Variants in PPP2R2C observed in about 807,000 individuals in gnomAD.
PPP2R2C encodes protein phosphatase 2, regulatory subunit B, gamma.
PPP2R2C carries 10 observed loss-of-function variants against 45.3 expected under a neutral mutation model. The observed-to-expected ratio is 0.22, with a 90% CI of 0.14 to 0.37. The LOEUF is 0.37. Ranked by LOEUF, PPP2R2C falls within the 10% of genes least tolerant of loss-of-function variation. The pLI, the probability that PPP2R2C is intolerant of heterozygous loss-of-function variation, is 1.00. For synonymous variants in PPP2R2C, 257 were observed against 245.4 expected (o/e 1.05, Z -0.44); for missense variants, 308 against 619.7 (o/e 0.50, Z 5.34).
chr4:6,416,912 G>A (rs1361659700), intron 1 of PPP2R2C, among the ~76,000 whole-genome samples: 1 of 152,296 alleles, frequency 6.6e-6, no homozygotes, highest in East Asian at 1.9e-4. Flanking sequence ...TGGAGTATTG[G>A]GGAGGGAGAT....
chr4:6,358,178 A>T (rs533508070), intron 5 of PPP2R2C, among the ~76,000 whole-genome samples: 1 of 152,124 alleles, frequency 6.6e-6, no homozygotes, highest in East Asian at 1.9e-4. Flanking sequence ...CAGAAATAAC[A>T]CCACATATCT....
intron 6 of PPP2R2C, among the ~76,000 whole-genome samples, chr4:6,337,455 C>G (rs1016910879): frequency 6.6e-6 from 1 of 152,004 alleles, no homozygotes; most frequent in Admixed American, 6.6e-5. Context: ...CTGGCCTGAA[C>G]TAGGCTTTCT....
intron 1 of PPP2R2C, among the ~76,000 whole-genome samples, chr4:6,446,735 C>A (rs115028473): frequency 0.013 from 1,988 of 152,178 alleles, 45 homozygotes; most frequent in African/African-American, 0.045. Context: ...CGCCAACGGC[C>A]CACTGTCTCC....
At chr4:6,394,000 C>G (rs1302290464) in intron 1 of PPP2R2C, among the ~76,000 whole-genome samples, 3 of 152,200 alleles carry the variant, frequency 2.0e-5, no homozygotes, top group Admixed American at 2.0e-4. Context: ...GTGAGGGAGA[C>G]CGAGAGAAGA....
chr4:6,518,922 T>TAAAAAAAAAAAAAAAAAAAAAAAAAA (rs56002128), intron 2 of PPP2R2C, among the ~76,000 whole-genome samples: 9 of 92,916 alleles, frequency 9.7e-5, no homozygotes, highest in African/African-American at 3.7e-4. Context: ...GACTCTGTCT[T>TAAAAAAAAAAAAAAAAAAAAAAAAAA]AAAAAAAAAA....
chr4:6,355,836 CAA>C (rs71173436), intron 5 of PPP2R2C, among the ~76,000 whole-genome samples: 1 of 150,490 alleles, frequency 6.6e-6, no homozygotes, highest in Non-Finnish European at 1.5e-5. Flanking sequence ...ACTAAAAATA[CAA>C]AAAAAATTAG....
At chr4:6,549,522 C>G (rs939780209) in intron 1 of PPP2R2C, among the ~76,000 whole-genome samples, 12 of 152,202 alleles carry the variant, frequency 7.9e-5, no homozygotes, top group Non-Finnish European at 1.3e-4. Context: ...TGCCCCTCAC[C>G]TGTGCCTTCC....
chr4:6,450,044 C>T (rs377663083), intron 1 of PPP2R2C, among the ~76,000 whole-genome samples: 4 of 152,194 alleles, frequency 2.6e-5, no homozygotes, highest in South Asian at 2.1e-4. Flanking sequence ...GATAGCTTTG[C>T]GGGTTGCAGT....
chr4:6,554,353 G>A (rs1725289038), intron 1 of PPP2R2C, among the ~76,000 whole-genome samples: 1 of 152,156 alleles, frequency 6.6e-6, no homozygotes, highest in Non-Finnish European at 1.5e-5. Flanking sequence ...AATAAGCTGG[G>A]AGAGGGGTAC....
intron 1 of PPP2R2C, among the ~76,000 whole-genome samples, chr4:6,469,508 A>C (rs1721752817): frequency 6.6e-6 from 1 of 152,196 alleles, no homozygotes; most frequent in Non-Finnish European, 1.5e-5. Flanking sequence ...CATATAAATA[A>C]TAACAATGCC....
In PPP2R2C at chr4:6,472,494, C is replaced by A. The variant is rs866272953; in HGVS notation, c.-265G>T. The stretch of plus-strand genomic sequence containing the variant: ...AGGCGCGCATCCCGGCCGGCCCGTG[C>A]GCGCTGCGTCCGTGCGCCCGGCGGC... On this transcript the variant is annotated 5_prime_UTR_variant, in exon 1 of 9. Transcript: ENST00000382599. 1,862 of 186,718 alleles carry A rather than the reference C, an allele frequency of 1.0e-2. 31 individuals are homozygous for A. The highest frequency in any genetic ancestry group is 0.064 in the East Asian group (333 of 5,178). The allele number at this position is 186,718 out of a possible 1,614,324, so 11.6% of individuals were successfully genotyped here.
At chr4:6,432,760 A>C (rs1231281460) in intron 1 of PPP2R2C, among the ~76,000 whole-genome samples, 1 of 152,224 alleles carries the variant, frequency 6.6e-6, no homozygotes, top group African/African-American at 2.4e-5. Context: ...CAAATAAGTT[A>C]GGAAAAAATC....
chr4:6,343,306 G>A (rs1733592657), intron 6 of PPP2R2C, among the ~76,000 whole-genome samples: 1 of 152,182 alleles, frequency 6.6e-6, no homozygotes, highest in Non-Finnish European at 1.5e-5. Context: ...GCTAAAAACT[G>A]CTGCGCAATC....
At position 6,331,592 on chromosome 4, in the gene PPP2R2C, A is replaced by C. The variant is rs1358158095; in HGVS notation, c.960+1970T>G. Among the ~76,000 whole-genome samples the C allele has an allele frequency of 6.6e-6, 1 of 152,226 alleles. No homozygotes were observed. The highest frequency in any genetic ancestry group is 1.5e-5 in the Non-Finnish European group (1 of 68,042). ...ATTCTGGGGAAGATTTTACAATCAC[A>C]GTGAAACACGCAACAGACCCCAGGG... On this transcript the variant is annotated intron_variant, in intron 7 of 8. Transcript: ENST00000382599. The surrounding 1 kb of genome is among the most constrained non-coding windows in gnomAD (Gnocchi z 5.9).
chr4:6,333,177 C>T (rs370659836), intron 7 of PPP2R2C, among the ~76,000 whole-genome samples: 87 of 152,276 alleles, frequency 5.7e-4, no homozygotes, highest in African/African-American at 1.7e-3. Flanking sequence ...GGGAGGGCAA[C>T]GCTTAACCCT....
chr4:6,522,976 C>T (rs568448465), intron 2 of PPP2R2C, among the ~76,000 whole-genome samples: 2 of 152,356 alleles, frequency 1.3e-5, no homozygotes, highest in South Asian at 4.1e-4. Flanking sequence ...CGCAGATGCA[C>T]AGCAGCCTGG....
At chr4:6,407,929 C>T (rs1435913769) in intron 1 of PPP2R2C, among the ~76,000 whole-genome samples, 1 of 152,188 alleles carries the variant, frequency 6.6e-6, no homozygotes, top group East Asian at 1.9e-4. Flanking sequence ...AAGCATAAAA[C>T]ACACACCGAA....
At chr4:6,534,690 C>T (rs1476681362) in intron 2 of PPP2R2C, among the ~76,000 whole-genome samples, 1 of 152,292 alleles carries the variant, frequency 6.6e-6, no homozygotes, top group South Asian at 2.1e-4. Flanking sequence ...CCAACACGCA[C>T]GGCCCGCACA....
chr4:6,365,798 T>G (rs907107060), intron 5 of PPP2R2C, among the ~76,000 whole-genome samples: 4 of 152,172 alleles, frequency 2.6e-5, no homozygotes, highest in African/African-American at 9.7e-5. Flanking sequence ...CGAGGCTTGG[T>G]GTGATGCCAG....
Sources: allele counts gnomAD v4.1 joint callset (sites outside exome capture counted in the v4.1 genomes callset), GRCh38; gene constraint gnomAD v4.1.1; non-coding constraint Gnocchi (gnomAD v3.1); transcripts MANE v1.5; gene names NCBI Gene and HGNC (gene_info 2026-07-23, HGNC 2026-07-21).